Variants in WWOX observed in about 807,000 individuals in gnomAD.
WWOX encodes the protein WW domain-containing oxidoreductase.
Under a neutral mutation model 46.2 loss-of-function variants are expected in WWOX, and 69 were observed. The ratio of observed to expected loss-of-function variants is 1.49; its 90% CI spans 1.23 to 1.82. WWOX has a LOEUF of 1.82. Ranked by LOEUF, WWOX falls within the 40% of genes most tolerant of loss-of-function variation. The probability of loss-of-function intolerance (pLI) is 0.00; values close to 1 mark genes in which losing one functional copy is unlikely to be tolerated. For missense variants in WWOX, 919 were observed against 542.6 expected, an observed-to-expected ratio of 1.69 and a Z score of -6.89; for synonymous variants, 359 against 202.6, an observed-to-expected ratio of 1.77 and a Z score of -6.56.
chr16:78,799,148 C>G (rs866636458), intron 8 of WWOX, among the ~76,000 whole-genome samples: 54 of 152,228 alleles, frequency 3.5e-4, no homozygotes, highest in African/African-American at 1.3e-3. Flanking sequence ...GTGTCTTATG[C>G]AAGGCTATTA....
intron 8 of WWOX, among the ~76,000 whole-genome samples, chr16:78,917,915 A>G (rs568586740): frequency 6.6e-6 from 1 of 152,236 alleles, no homozygotes; most frequent in East Asian, 1.9e-4. Flanking sequence ...AGAAATTGTC[A>G]TATAGGCTGG....
At chr16:78,291,324 G>A (rs2079853632) in intron 5 of WWOX, among the ~76,000 whole-genome samples, 1 of 152,190 alleles carries the variant, frequency 6.6e-6, no homozygotes, top group Admixed American at 6.5e-5. Context: ...GCATTTCACA[G>A]TGTTGGCGGC....
chr16:78,904,739 C>G (rs72806719), intron 8 of WWOX, among the ~76,000 whole-genome samples: 3 of 152,026 alleles, frequency 2.0e-5, no homozygotes, highest in African/African-American at 7.2e-5. Flanking sequence ...GTCACCCTAT[C>G]TATGATCTGT....
chr16:78,818,762 T>G (rs1025887466), intron 8 of WWOX, among the ~76,000 whole-genome samples: 1 of 152,208 alleles, frequency 6.6e-6, no homozygotes, highest in Non-Finnish European at 1.5e-5. Flanking sequence ...TCATTAACTA[T>G]TCGGGGCCTT....
At chr16:78,799,263 G>A (rs865872365) in intron 8 of WWOX, among the ~76,000 whole-genome samples, 58 of 152,240 alleles carry the variant, frequency 3.8e-4, no homozygotes, top group African/African-American at 1.4e-3. Context: ...TCTCTTTAAC[G>A]GAGAGTTCAT....
rs112727662 is a variant in WWOX, at chr16:78,219,393, C to T, written c.516+55104C>T. The stretch of plus-strand genomic sequence containing the variant: ...GAGTTTTTTATTTATGGACATTAAG[C>T]AATATCTTTAAAATGTAAAATGAAG... On this transcript the variant is annotated intron_variant, in intron 5 of 8. Transcript: ENST00000566780. 5.5e-3 allele frequency among the ~76,000 whole-genome samples: 838 copies of T among 152,206 alleles called. 11 individuals carry two copies. Among genetic ancestry groups the T allele is most frequent in the African/African-American group, 0.019 (799 of 41,516 alleles).
intron 5 of WWOX, among the ~76,000 whole-genome samples, chr16:78,361,591 C>T (rs1282044129): frequency 1.3e-5 from 2 of 151,872 alleles, no homozygotes; most frequent in Non-Finnish European, 2.9e-5. Flanking sequence ...AAGAGCTATC[C>T]CTTCTCCCCC....
At chr16:78,602,915 A>G (rs779550117) in intron 8 of WWOX, among the ~76,000 whole-genome samples, 23 of 152,074 alleles carry the variant, frequency 1.5e-4, no homozygotes, top group Non-Finnish European at 2.9e-4. Flanking sequence ...TTCTGCATAC[A>G]CTTTTTACTT....
chr16:78,390,478 T>C (rs1185887105), intron 6 of WWOX, among the ~76,000 whole-genome samples: 7 of 152,200 alleles, frequency 4.6e-5, no homozygotes, highest in African/African-American at 1.7e-4. Context: ...ACAAGGGTGA[T>C]TTTCCATATA....
At chr16:78,722,698 G>GT (rs56266240) in intron 8 of WWOX, among the ~76,000 whole-genome samples, 11,324 of 115,842 alleles carry the variant, frequency 0.098, 654 homozygotes, top group South Asian at 0.22. Flanking sequence ...GTTTGTCTCT[G>GT]TTTTTTTTTT....
chr16:79,187,986 C>T (rs151290618), intron 8 of WWOX, among the ~76,000 whole-genome samples: 1 of 152,344 alleles, frequency 6.6e-6, no homozygotes, highest in East Asian at 1.9e-4. Context: ...CACTCTCTCT[C>T]CCATGCACGG....
In WWOX at chr16:78,913,351, T is replaced by C. The variant is rs1279471304; in HGVS notation, c.1057-298257T>C. On this transcript the variant is annotated intron_variant, in intron 8 of 8. Transcript: ENST00000566780. ...AGCCTCTGCCTGTTAGGTGCAGCCA[T>C]GTGCCTGAGTCTTGGCCAATGGACT... Among the ~76,000 whole-genome samples, 4 of 152,158 alleles carry C rather than the reference T, an allele frequency of 2.6e-5. No homozygotes were observed. In the East Asian group the frequency reaches 7.7e-4, roughly 29 times the overall value.
chr16:78,673,514 C>G (rs1409616241), intron 8 of WWOX, among the ~76,000 whole-genome samples: 3 of 152,156 alleles, frequency 2.0e-5, no homozygotes, highest in African/African-American at 4.8e-5. Context: ...AGTTACATCC[C>G]CAAGCCTTGC....
intron 4 of WWOX, among the ~76,000 whole-genome samples, chr16:78,116,378 G>A (rs1013022939): frequency 6.6e-6 from 1 of 152,160 alleles, no homozygotes; most frequent in Non-Finnish European, 1.5e-5. Context: ...TTGTTCAAGG[G>A]TCAATTATTG....
At chr16:78,536,472 T>G (rs570987605) in intron 8 of WWOX, among the ~76,000 whole-genome samples, 1 of 152,202 alleles carries the variant, frequency 6.6e-6, no homozygotes, top group African/African-American at 2.4e-5. Context: ...AGCTGGGTTC[T>G]CTCTGCTTTA....
chr16:78,636,549 G>T (rs1260564626), intron 8 of WWOX, among the ~76,000 whole-genome samples: 1 of 151,914 alleles, frequency 6.6e-6, no homozygotes, highest in Admixed American at 6.6e-5. Context: ...CTCCCCATCC[G>T]CCATTCTCAG....
chr16:79,105,659 TG>T (rs373221510), intron 8 of WWOX, among the ~76,000 whole-genome samples: 218 of 149,792 alleles, frequency 1.5e-3, no homozygotes, highest in African/African-American at 5.2e-3. Context: ...AATGTCTTTT[TG>T]TTTTTTTTTT....
rs142351183 is a variant in WWOX at position 78,622,354 on chromosome 16, C to G, written c.1056+189602C>G. On this transcript the variant is annotated intron_variant, in intron 8 of 8. Transcript: ENST00000566780. ...GGTCAGGAGTTTGAGACCAGCCTGG[C>G]CAACATGGTAAAACCCCACCTCTAC... Among the ~76,000 whole-genome samples the G allele has an allele frequency of 4.7e-3, 719 of 152,000 alleles. 8 individuals carry two copies. The highest frequency in any genetic ancestry group is 0.017 in the African/African-American group (693 of 41,458).
chr16:78,137,062 A>G (rs2033819361), intron 4 of WWOX, among the ~76,000 whole-genome samples: 1 of 152,206 alleles, frequency 6.6e-6, no homozygotes, highest in South Asian at 2.1e-4. Flanking sequence ...CATAAGTTGG[A>G]TCAGCTCCCT....
Sources: gnomAD v4.1 joint callset for allele counts (sites outside exome capture counted in the v4.1 genomes callset) on GRCh38, gnomAD v4.1.1 for gene constraint, MANE v1.5 for transcripts, NCBI Gene and HGNC (gene_info 2026-07-23, HGNC 2026-07-21) for gene names.